Variants in GALNT2 observed in about 807,000 individuals in gnomAD.
GALNT2 encodes UDP-GalNAc:polypeptide N-acetylgalactosaminyltransferase 2.
GALNT2 carries 31 observed loss-of-function variants against 81.4 expected under a neutral mutation model. That is an observed-to-expected ratio of 0.38 (90% CI 0.29 to 0.51). The LOEUF (loss-of-function observed/expected upper bound fraction) is 0.51. GALNT2 is among the 20% of genes least tolerant of loss of function. The pLI, the probability that GALNT2 is intolerant of heterozygous loss-of-function variation, is 0.87. For synonymous variants in GALNT2, 303 were observed against 287.4 expected, an observed-to-expected ratio of 1.05 and a Z score of -0.55; for missense variants, 629 against 765.7, an observed-to-expected ratio of 0.82 and a Z score of 2.11.
At chr1:230,238,684 G>A (rs543003325) in intron 6 of GALNT2, among the ~76,000 whole-genome samples, 1 of 152,242 alleles carries the variant, frequency 6.6e-6, no homozygotes, top group East Asian at 1.9e-4. Context: ...TTGATTTTCA[G>A]ATGTTAAACC....
In GALNT2 at chr1:230,280,178, G is replaced by T. The variant is rs3213494; in HGVS notation, c.*720G>T. ...TTCCGGGAGAAGGGGCCAGAGCCCG[G>T]TGGGGCCAGTTTCTCACAGAGGGAG... On this transcript the variant is annotated 3_prime_UTR_variant, in exon 16 of 16. Transcript: ENST00000366672. The T allele has an allele frequency of 0.061, 22,258 of 364,110 alleles. 1,186 individuals carry two copies. The highest frequency in any genetic ancestry group is 0.17 in the African/African-American group (8,099 of 47,160). The allele number at this position is 364,110 out of a possible 1,614,324, so 22.6% of individuals were successfully genotyped here.
intron 1 of GALNT2, among the ~76,000 whole-genome samples, chr1:230,098,062 T>G (rs1437514260): frequency 6.6e-6 from 1 of 152,224 alleles, no homozygotes; most frequent in East Asian, 1.9e-4. Flanking sequence ...AAGTAGAGAT[T>G]TGGCATAACT....
chr1:230,252,315 C>T (rs145509732), intron 10 of GALNT2, among the ~76,000 whole-genome samples: 12 of 152,222 alleles, frequency 7.9e-5, no homozygotes, highest in South Asian at 4.2e-4. Context: ...ACGTGTGCCC[C>T]GCTGGAATGA....
At chr1:230,223,537 C>T (rs1043707873) in intron 3 of GALNT2, among the ~76,000 whole-genome samples, 28 of 150,622 alleles carry the variant, frequency 1.9e-4, no homozygotes, top group African/African-American at 6.4e-4. Context: ...GGTGTGATCT[C>T]GGCTTACTGC....
In GALNT2 at chr1:230,262,652, G is replaced by A. The variant is rs749472707; in HGVS notation, c.1216G>A (p.Val406Ile). 3.1e-6 allele frequency: 5 copies of A among 1,611,986 alleles called. No homozygotes were observed. The highest frequency in any genetic ancestry group is 2.2e-5 in the South Asian group (2 of 90,994). ...YYAAVPSARNVPYGNIQSRLE... is the reference protein window; with the variant it reads ...YYAAVPSARNIPYGNIQSRLE... ...TGCAGCAGTGCCTTCTGCTAGAAAC[G>A]TTCCTTATGGAAAGTAAGTGGCAGT... The change falls in exon 12 of 16, where the codon GTT (valine) becomes ATT (isoleucine). Residue 406 changes from valine to isoleucine, a missense_variant. This residue lies in a region of GALNT2 where 207 missense variants were observed against 225.5 expected (regional missense o/e 0.92). Transcript: ENST00000366672.
intron 3 of GALNT2, among the ~76,000 whole-genome samples, chr1:230,232,955 A>G (rs1664912029): frequency 6.6e-6 from 1 of 152,190 alleles, no homozygotes. Flanking sequence ...ATTAATTAAA[A>G]CAATAACTAT....
At chr1:230,113,720 C>G (rs773428877) in intron 1 of GALNT2, among the ~76,000 whole-genome samples, 3 of 152,082 alleles carry the variant, frequency 2.0e-5, no homozygotes, top group Non-Finnish European at 4.4e-5. Context: ...CTTCTCCTTG[C>G]CTTCAGAAGC....
chr1:230,177,817 A>G (rs1208427395), intron 1 of GALNT2, among the ~76,000 whole-genome samples: 2 of 152,208 alleles, frequency 1.3e-5, no homozygotes, highest in African/African-American at 4.8e-5. Flanking sequence ...ACCACCTAAG[A>G]TGTCTGGAGA....
chr1:230,242,092 T>C lies in GALNT2; in HGVS notation c.608-1214T>C, dbSNP rs528926963. 1.2e-4 allele frequency among the ~76,000 whole-genome samples: 19 copies of C among 152,200 alleles called. No homozygotes were observed. In the South Asian group the frequency reaches 3.7e-3, roughly 30 times the overall value. ...TCTGAACTCTCTATCCTCTAACAACTCAAGCCAAAAAAGGCTACATTGCAG... is the reference window on the plus strand; with the variant it reads ...TCTGAACTCTCTATCCTCTAACAACCCAAGCCAAAAAAGGCTACATTGCAG... On this transcript the variant is annotated intron_variant, in intron 6 of 15. Transcript: ENST00000366672.
intron 3 of GALNT2, among the ~76,000 whole-genome samples, chr1:230,230,561 T>A (rs750088711): frequency 2.0e-4 from 31 of 152,158 alleles, no homozygotes; most frequent in Non-Finnish European, 1.0e-4. Context: ...CACAACTCCC[T>A]TAGAGGGACT....
Position 230,118,202 on chromosome 1 carries a change from G to A in GALNT2, c.126+50796G>A, listed in dbSNP as rs561820024. 4.7e-4 allele frequency among the ~76,000 whole-genome samples: 72 copies of A among 152,300 alleles called. 1 individual carries two copies. The highest frequency in any genetic ancestry group is 1.3e-3 in the African/African-American group (52 of 41,544). ...TCTTTTTAGCACTGAATACTGTTCC[G>A]TTGTCTGGATATACCACAGTTAATC... On this transcript the variant is annotated intron_variant, in intron 1 of 15. Coordinates refer to ENST00000366672, the MANE Select transcript of GALNT2 (RefSeq NM_004481.5).
intron 3 of GALNT2, among the ~76,000 whole-genome samples, chr1:230,223,619 C>T (rs1664620108): frequency 6.6e-6 from 1 of 152,082 alleles, no homozygotes; most frequent in South Asian, 2.1e-4. Context: ...TACAGGCACC[C>T]GCCATCACAC....
intron 1 of GALNT2, among the ~76,000 whole-genome samples, chr1:230,109,215 A>T (rs1322741240): frequency 6.6e-6 from 1 of 152,150 alleles, no homozygotes; most frequent in Non-Finnish European, 1.5e-5. Context: ...CGTAGATGGG[A>T]TGCAGCTGCC....
Position 230,280,319 on chromosome 1 carries a change from C to T in GALNT2, c.*861C>T. The T allele has an allele frequency of 3.4e-6, 1 of 298,184 alleles. No individual in the cohort carries two copies. Among genetic ancestry groups the T allele is most frequent in the Non-Finnish European group, 6.7e-6 (1 of 149,888 alleles). 18.5% of individuals were successfully genotyped at this position (298,184 alleles called of 1,614,324 possible). A position where few individuals can be genotyped will look rare whatever the true frequency, so the allele number is the denominator to read the frequency against. ...CCCCGGCATCCCTGTTGGGCGTCAG[C>T]CTGAGAGTCCCTACTGTGCGTCAGA... is the stretch of plus-strand genomic sequence containing the variant. On this transcript the variant is annotated 3_prime_UTR_variant, in exon 16 of 16. Transcript: ENST00000366672.
At chr1:230,147,640 T>C (rs1461646505) in intron 1 of GALNT2, among the ~76,000 whole-genome samples, 1 of 152,216 alleles carries the variant, frequency 6.6e-6, no homozygotes, top group Non-Finnish European at 1.5e-5. Context: ...CTGCGAACAG[T>C]GGCTGGCTAG....
intron 1 of GALNT2, among the ~76,000 whole-genome samples, chr1:230,085,588 G>A (rs866991961): frequency 2.6e-5 from 4 of 152,292 alleles, no homozygotes; most frequent in South Asian, 4.1e-4. Flanking sequence ...ACCTGGTGCC[G>A]TCCCTGTAGG....
At chr1:230,208,688 G>A (rs1353605805) in intron 3 of GALNT2, among the ~76,000 whole-genome samples, 2 of 152,238 alleles carry the variant, frequency 1.3e-5, no homozygotes, top group Non-Finnish European at 2.9e-5. Flanking sequence ...CTTGAGGACA[G>A]TCTAACACTG....
At chr1:230,107,646 T>TG (rs1356238842) in intron 1 of GALNT2, among the ~76,000 whole-genome samples, 3 of 91,370 alleles carry the variant, frequency 3.3e-5, no homozygotes, top group Non-Finnish European at 5.0e-5. Flanking sequence ...GTGTGTGTGG[T>TG]TGGTTGGTTG....
intron 2 of GALNT2, among the ~76,000 whole-genome samples, chr1:230,196,071 T>C (rs1305606627): frequency 1.3e-5 from 2 of 152,198 alleles, no homozygotes; most frequent in African/African-American, 4.8e-5. Flanking sequence ...TCAGCACTCA[T>C]TTACTCCAAA....
Sources: gnomAD v4.1 joint callset for allele counts (sites outside exome capture counted in the v4.1 genomes callset) on GRCh38, gnomAD v4.1.1 for gene constraint, gnomAD v4.1.1 regional missense constraint, MANE v1.5 for transcripts, NCBI Gene and HGNC (gene_info 2026-07-23, HGNC 2026-07-21) for gene names.